Variants in SDK2 observed in about 807,000 individuals in gnomAD.
SDK2 encodes the protein protein sidekick-2.
SDK2 carries 105 observed loss-of-function variants against 253.9 expected under a neutral mutation model. The observed-to-expected ratio is 0.41, with a 90% CI of 0.35 to 0.49. The LOEUF is 0.49. SDK2 is among the 20% of genes least tolerant of loss of function. The probability of loss-of-function intolerance (pLI) is 0.06; values close to 1 mark genes in which losing one functional copy is unlikely to be tolerated. For missense variants in SDK2, 2,608 were observed against 3,003.0 expected, an observed-to-expected ratio of 0.87 and a Z score of 3.07; for synonymous variants, 1,249 against 1,234.9, an observed-to-expected ratio of 1.01 and a Z score of -0.24.
chr17:73,536,042 T>C (rs2044766865), intron 1 of SDK2, among the ~76,000 whole-genome samples: 1 of 152,198 alleles, frequency 6.6e-6, no homozygotes. Flanking sequence ...CCACGTGCTT[T>C]GCCTACACTA....
intron 1 of SDK2, among the ~76,000 whole-genome samples, chr17:73,551,180 G>C (rs542495050): frequency 6.6e-6 from 1 of 152,158 alleles, no homozygotes; most frequent in Non-Finnish European, 1.5e-5. Context: ...GGGACTCCAC[G>C]CGCACCTTGT....
At chr17:73,387,482 C>A (rs150866934) in intron 30 of SDK2, among the ~76,000 whole-genome samples, 2 of 152,154 alleles carry the variant, frequency 1.3e-5, no homozygotes, top group Non-Finnish European at 2.9e-5. Flanking sequence ...GCTAGAATTT[C>A]GGAGTGACGC....
chr17:73,520,609 G>A (rs1467349138), intron 1 of SDK2: 2 of 152,340 alleles, frequency 1.3e-5, no homozygotes, highest in East Asian at 3.8e-4. Context: ...CTGCTGAGCT[G>A]AGACCAAAGC....
chr17:73,347,673 T>G (rs1166603973), intron 44 of SDK2, among the ~76,000 whole-genome samples: 2 of 152,126 alleles, frequency 1.3e-5, no homozygotes, highest in Non-Finnish European at 2.9e-5. Flanking sequence ...GGGCGTGGGA[T>G]GCAGTGGCCT....
intron 3 of SDK2, among the ~76,000 whole-genome samples, chr17:73,468,690 AT>A (rs151162336): frequency 0.088 from 13,034 of 148,800 alleles, 615 homozygotes; most frequent in Middle Eastern, 0.11. Context: ...TTTTTTTTTA[AT>A]TTTTTTTTTA....
intron 1 of SDK2, chr17:73,518,996 A>G (rs2064053923): frequency 1.3e-5 from 2 of 152,192 alleles, no homozygotes; most frequent in Non-Finnish European, 2.9e-5. Context: ...CCATGCAGGT[A>G]CCACTCTTCT....
intron 1 of SDK2, among the ~76,000 whole-genome samples, chr17:73,509,364 C>T (rs1051286272): frequency 6.6e-6 from 1 of 152,130 alleles, no homozygotes; most frequent in Non-Finnish European, 1.5e-5. Context: ...GTACGGTGTC[C>T]CCTCCAGGGA....
At chr17:73,578,432 A>T (rs1051168614) in intron 1 of SDK2, among the ~76,000 whole-genome samples, 3 of 152,164 alleles carry the variant, frequency 2.0e-5, no homozygotes, top group African/African-American at 7.2e-5. Context: ...GTAAGATAAC[A>T]AATTTGTATT....
At chr17:73,478,779 C>G (rs2063703141) in intron 2 of SDK2, among the ~76,000 whole-genome samples, 1 of 152,232 alleles carries the variant, frequency 6.6e-6, no homozygotes, top group Non-Finnish European at 1.5e-5. Flanking sequence ...TAAGATATTT[C>G]AATTCCACGA....
intron 2 of SDK2, among the ~76,000 whole-genome samples, chr17:73,486,237 G>A (rs954890097): frequency 2.0e-5 from 3 of 152,280 alleles, no homozygotes; most frequent in East Asian, 1.9e-4. Context: ...GTGGGGCAGA[G>A]GGAAGTCTAT....
At chr17:73,521,264 C>T (rs1483732549) in intron 1 of SDK2, 2 of 151,888 alleles carry the variant, frequency 1.3e-5, no homozygotes, top group Non-Finnish European at 2.9e-5. Flanking sequence ...TGATCTCGAA[C>T]TCTTGGACTC....
At chr17:73,561,275 C>G (rs2145851889) in intron 1 of SDK2, among the ~76,000 whole-genome samples, 1 of 152,284 alleles carries the variant, frequency 6.6e-6, no homozygotes, top group East Asian at 1.9e-4. Flanking sequence ...CACCACCCAC[C>G]CCACCTGCGG....
At chr17:73,566,768 G>A (rs1416777401) in intron 1 of SDK2, among the ~76,000 whole-genome samples, 1 of 150,714 alleles carries the variant, frequency 6.6e-6, no homozygotes, top group Non-Finnish European at 1.5e-5. Flanking sequence ...TCTGGCAAAA[G>A]AAATTTCTAA....
chr17:73,564,911 G>A lies in SDK2; in HGVS notation c.65-57314C>T, dbSNP rs1342810299. 2.6e-5 allele frequency among the ~76,000 whole-genome samples: 4 copies of A among 152,240 alleles called. No individual in the cohort carries two copies. The East Asian group carries it at 7.7e-4, about 29-fold the overall frequency. The stretch of plus-strand genomic sequence containing the variant: ...ATCTGGTAAGGGTGGAGTGGCTGCT[G>A]TTAGTTAGGTCAACCCTTTCCCCAG... On this transcript the variant is annotated intron_variant, in intron 1 of 44. Coordinates refer to ENST00000392650, the MANE Select transcript of SDK2 (RefSeq NM_001144952.2).
At chr17:73,559,505 TG>T (rs1454891605) in intron 1 of SDK2, among the ~76,000 whole-genome samples, 1 of 151,936 alleles carries the variant, frequency 6.6e-6, no homozygotes, top group African/African-American at 2.4e-5. Context: ...GAGGGGCAGA[TG>T]GGAAGAACAC....
At chr17:73,601,153 G>C (rs563258039) in intron 1 of SDK2, among the ~76,000 whole-genome samples, 18 of 152,002 alleles carry the variant, frequency 1.2e-4, no homozygotes, top group Non-Finnish European at 2.2e-4. Context: ...CCGAGTAGCT[G>C]GGAATACAGG....
At chr17:73,498,336 G>A (rs889518373) in intron 2 of SDK2, among the ~76,000 whole-genome samples, 3 of 152,090 alleles carry the variant, frequency 2.0e-5, no homozygotes, top group Admixed American at 2.0e-4. Context: ...AAACTCCCAC[G>A]CTCACTTGGC....
rs1458130144 is a variant in SDK2, at chr17:73,473,319, G to A, written c.225-1101C>T. On this transcript the variant is annotated intron_variant, in intron 2 of 44. Transcript: ENST00000392650. ...AGAGGAGCTTCTGACAGTGGGACAG[G>A]AGTGGATGAAGGGGACCGGGGTCCA... 2.0e-5 allele frequency among the ~76,000 whole-genome samples: 3 copies of A among 152,236 alleles called. No individual in the cohort carries two copies. The East Asian group carries it at 5.8e-4, about 29-fold the overall frequency.
chr17:73,624,424 G>A (rs1442311405), intron 1 of SDK2, among the ~76,000 whole-genome samples: 2 of 152,180 alleles, frequency 1.3e-5, no homozygotes, highest in Admixed American at 1.3e-4. Flanking sequence ...ATCCGGGAGT[G>A]GCAGATGGCA....
Sources: gnomAD v4.1 joint callset for allele counts (sites outside exome capture counted in the v4.1 genomes callset) on GRCh38, gnomAD v4.1.1 for gene constraint, MANE v1.5 for transcripts, NCBI Gene and HGNC (gene_info 2026-07-23, HGNC 2026-07-21) for gene names.